CADM2: variants seen among roughly 807,000 people sequenced by gnomAD.
CADM2 encodes the protein immunoglobulin superfamily member 4D.
Under a neutral mutation model 49.8 loss-of-function variants are expected in CADM2, and 12 were observed. That is an observed-to-expected ratio of 0.24 (90% CI 0.15 to 0.39). The LOEUF (loss-of-function observed/expected upper bound fraction) is 0.39, where lower values mean the gene tolerates loss of function less well. Ranked by LOEUF, CADM2 falls within the 10% of genes least tolerant of loss-of-function variation. The probability of loss-of-function intolerance (pLI) is 1.00; values close to 1 mark genes in which losing one functional copy is unlikely to be tolerated. For synonymous variants in CADM2, 214 were observed against 175.4 expected, an observed-to-expected ratio of 1.22 and a Z score of -1.74; for missense variants, 378 against 492.3, an observed-to-expected ratio of 0.77 and a Z score of 2.20.
chr3:86,068,614 T>C lies in CADM2; in HGVS notation c.*1831T>C, dbSNP rs1244427840. ...TATTTATCAAAAAAGTATAAATCTT[T>C]TAAGGAAAATGTTAGAATTTTAAAG... On this transcript the variant is annotated 3_prime_UTR_variant, in exon 10 of 10. Transcript: ENST00000383699. 1 of 152,154 alleles carries C rather than the reference T, an allele frequency of 6.6e-6. No homozygotes were observed. The highest frequency in any genetic ancestry group is 6.6e-5 in the Admixed American group (1 of 15,248). 9.4% of individuals were successfully genotyped at this position (152,154 alleles called of 1,614,324 possible). A position where few individuals can be genotyped will look rare whatever the true frequency, so the allele number is the denominator to read the frequency against.
At chr3:85,307,768 G>A (rs890994517) in intron 1 of CADM2, among the ~76,000 whole-genome samples, 1 of 151,394 alleles carries the variant, frequency 6.6e-6, no homozygotes, top group Non-Finnish European at 1.5e-5. Context: ...AAAAGTCAAT[G>A]TTCAAAAAAT....
intron 1 of CADM2, among the ~76,000 whole-genome samples, chr3:85,260,611 C>T (rs2042994973): frequency 6.6e-6 from 1 of 152,090 alleles, no homozygotes; most frequent in Admixed American, 6.6e-5. Context: ...GTTGGTTTTC[C>T]ACCTTTGACA....
chr3:85,498,719 T>C (rs1005816736), intron 1 of CADM2, among the ~76,000 whole-genome samples: 1 of 152,162 alleles, frequency 6.6e-6, no homozygotes, highest in Non-Finnish European at 1.5e-5. Flanking sequence ...AATAAGCTTA[T>C]GTATTGATAA....
chr3:85,544,772 CAT>C (rs1371121567), intron 1 of CADM2, among the ~76,000 whole-genome samples: 2 of 150,920 alleles, frequency 1.3e-5, no homozygotes, highest in Non-Finnish European at 2.9e-5. Flanking sequence ...TACAATTTTG[CAT>C]ATCTCATGGC....
At chr3:85,868,823 T>G (rs751537753) in intron 3 of CADM2, among the ~76,000 whole-genome samples, 11 of 152,290 alleles carry the variant, frequency 7.2e-5, no homozygotes, top group Non-Finnish European at 1.3e-4. Flanking sequence ...ACGAAATCAT[T>G]GTTTCCATTT....
At chr3:85,225,960 C>T (rs188094693) in intron 1 of CADM2, among the ~76,000 whole-genome samples, 22 of 152,280 alleles carry the variant, frequency 1.4e-4, no homozygotes, top group Admixed American at 8.5e-4. Context: ...CCGACTTCAT[C>T]GTGGTGGATA....
chr3:85,026,408 C>T (rs1479117129), intron 1 of CADM2, among the ~76,000 whole-genome samples: 1 of 151,980 alleles, frequency 6.6e-6, no homozygotes, highest in African/African-American at 2.4e-5. Context: ...CCAATAACTT[C>T]CTAGTTTTTA....
At chr3:85,508,151 C>T (rs545902618) in intron 1 of CADM2, among the ~76,000 whole-genome samples, 26 of 152,226 alleles carry the variant, frequency 1.7e-4, no homozygotes, top group Non-Finnish European at 3.2e-4. Flanking sequence ...TGTCCTATTT[C>T]GCTTCAGAAA....
At chr3:85,266,576 T>C (rs1330988858) in intron 1 of CADM2, among the ~76,000 whole-genome samples, 7 of 54,670 alleles carry the variant, frequency 1.3e-4, no homozygotes, top group African/African-American at 3.8e-4. Context: ...AAGGTGATAA[T>C]GAAGAATTAT....
intron 2 of CADM2, among the ~76,000 whole-genome samples, chr3:85,763,304 A>G (rs978418455): frequency 1.3e-5 from 2 of 152,192 alleles, no homozygotes; most frequent in African/African-American, 4.8e-5. Flanking sequence ...TACAGGTTCT[A>G]TCAACTAAGA....
intron 1 of CADM2, among the ~76,000 whole-genome samples, chr3:85,478,445 T>C (rs1348101459): frequency 6.6e-6 from 1 of 151,934 alleles, no homozygotes; most frequent in Non-Finnish European, 1.5e-5. Flanking sequence ...TATGGTAATA[T>C]AATGACTGAA....
intron 1 of CADM2, among the ~76,000 whole-genome samples, chr3:85,300,980 A>G (rs2044084089): frequency 6.6e-6 from 1 of 152,082 alleles, no homozygotes; most frequent in South Asian, 2.1e-4. Context: ...AAGCAAGCAA[A>G]CCAAGTTCCT....
At chr3:85,233,009 AT>A (rs1559734577) in intron 1 of CADM2, among the ~76,000 whole-genome samples, 1 of 152,228 alleles carries the variant, frequency 6.6e-6, no homozygotes, top group South Asian at 2.1e-4. Flanking sequence ...CAATAGTTGA[AT>A]GTATAAGCAA....
At chr3:85,633,177 CT>C (rs2064362541) in intron 1 of CADM2, among the ~76,000 whole-genome samples, 1 of 152,020 alleles carries the variant, frequency 6.6e-6, no homozygotes, top group African/African-American at 2.4e-5. Context: ...ATGTTTATTA[CT>C]GAGTAATATT....
chr3:85,501,371 C>G (rs1238626465), intron 1 of CADM2, among the ~76,000 whole-genome samples: 1 of 152,080 alleles, frequency 6.6e-6, no homozygotes, highest in Non-Finnish European at 1.5e-5. Flanking sequence ...GCAGAGTAAA[C>G]CATTTTCACC....
At chr3:85,541,771 TATTTTATATA>T (rs2061551048) in intron 1 of CADM2, among the ~76,000 whole-genome samples, 1 of 7,590 alleles carries the variant, frequency 1.3e-4, no homozygotes, top group Non-Finnish European at 6.6e-4. Context: ...ATATATTTTA[TATTTTATATA>T]TATATATATA....
chr3:85,156,848 G>A (rs528156653), intron 1 of CADM2, among the ~76,000 whole-genome samples: 106 of 152,230 alleles, frequency 7.0e-4, no homozygotes, highest in Middle Eastern at 6.8e-3. Context: ...GGGCAATTAG[G>A]CAGGAGAAGG....
chr3:85,325,688 CAAAAAA>C (rs35096319), intron 1 of CADM2, among the ~76,000 whole-genome samples: 1 of 92,698 alleles, frequency 1.1e-5, no homozygotes, highest in Non-Finnish European at 2.4e-5. Flanking sequence ...AAGACTCCAT[CAAAAAA>C]AAAAAAAAAA....
chr3:85,823,108 A>G (rs570807169), intron 3 of CADM2, among the ~76,000 whole-genome samples: 2 of 152,184 alleles, frequency 1.3e-5, no homozygotes, highest in African/African-American at 2.4e-5. Flanking sequence ...CTTATCTTGT[A>G]TAAATAAAAG....
Sources: gnomAD v4.1 joint callset for allele counts (sites outside exome capture counted in the v4.1 genomes callset) on GRCh38, gnomAD v4.1.1 for gene constraint, MANE v1.5 for transcripts, NCBI Gene and HGNC (gene_info 2026-07-23, HGNC 2026-07-21) for gene names.